The following HS6ST3 variants were observed in gnomAD, a reference collection of about 807,000 sequenced individuals.
The protein encoded by HS6ST3 is heparan-sulfate 6-O-sulfotransferase 3.
HS6ST3 carries 12 observed loss-of-function variants against 36.7 expected under a neutral mutation model. The observed-to-expected ratio is 0.33, with a 90% CI of 0.21 to 0.53. The LOEUF is 0.53. Ranked by LOEUF, HS6ST3 falls within the 20% of genes least tolerant of loss-of-function variation. The pLI is 0.95. For synonymous variants in HS6ST3, 240 were observed against 257.5 expected (o/e 0.93, Z 0.65); for missense variants, 584 against 640.9 (o/e 0.91, Z 0.96).
At position 96,799,069 on chromosome 13, in the gene HS6ST3, T is replaced by C. The variant is rs79841874; in HGVS notation, c.708-33421T>C. ...CGCTTCTTTAAAGGCCCTATCTCCA[T>C]ATCTAAATACAGTCACATTCTGAAT... is the stretch of plus-strand genomic sequence containing the variant. On this transcript the variant is annotated intron_variant, in intron 1 of 1. Coordinates refer to ENST00000376705, the MANE Select transcript of HS6ST3 (RefSeq NM_153456.4). Among the ~76,000 whole-genome samples, 1,071 of 152,214 alleles carry C rather than the reference T, an allele frequency of 7.0e-3. 16 individuals are homozygous for C. Among genetic ancestry groups the C allele is most frequent in the African/African-American group, 0.024 (999 of 41,542 alleles).
In HS6ST3 at chr13:96,157,459, G is replaced by A. The variant is rs529748941; in HGVS notation, c.707+65890G>A. 4.6e-5 allele frequency among the ~76,000 whole-genome samples: 7 copies of A among 152,366 alleles called. 1 individual carries two copies. Among genetic ancestry groups the A allele is most frequent in the African/African-American group, 1.7e-4 (7 of 41,590 alleles). On this transcript the variant is annotated intron_variant, in intron 1 of 1. Transcript: ENST00000376705. ...TTGGTTCAGAGCAAGGCAAATCTGA[G>A]TAGGAATAGACACAGCACTGACATT...
rs2056095701 is a variant in HS6ST3 at position 96,522,066 on chromosome 13, G to A, written c.708-310424G>A. On this transcript the variant is annotated intron_variant, in intron 1 of 1. Transcript: ENST00000376705. ...GTATGTTGTGTCTTTGTTCTCATTG[G>A]TTTCAAAGAACATCTTTATTTCTGC... Among the ~76,000 whole-genome samples, 3 of 152,086 alleles carry A rather than the reference G, an allele frequency of 2.0e-5. No individual in the cohort carries two copies. In the South Asian group the frequency reaches 6.2e-4, roughly 32 times the overall value.
At chr13:96,692,013 C>T (rs1300341685) in intron 1 of HS6ST3, among the ~76,000 whole-genome samples, 2 of 152,068 alleles carry the variant, frequency 1.3e-5, no homozygotes, top group Non-Finnish European at 2.9e-5. Context: ...CTCCAACTGC[C>T]ATAACTAAAT....
Position 96,308,724 on chromosome 13 carries a change from T to C in HS6ST3, c.707+217155T>C, listed in dbSNP as rs1014235232. Reference sequence around the variant, plus strand: ...GCAAGAACCCCTCTGAACAGCCATGTTTGGTTAAGATTAGCTTGTTCTTTT... The same window carrying C: ...GCAAGAACCCCTCTGAACAGCCATGCTTGGTTAAGATTAGCTTGTTCTTTT... On this transcript the variant is annotated intron_variant, in intron 1 of 1. Transcript: ENST00000376705. 1.2e-4 allele frequency among the ~76,000 whole-genome samples: 18 copies of C among 152,116 alleles called. 1 individual carries two copies. The highest frequency in any genetic ancestry group is 2.4e-4 in the Non-Finnish European group (16 of 67,970).
intron 1 of HS6ST3, among the ~76,000 whole-genome samples, chr13:96,371,748 A>G (rs1038413809): frequency 2.6e-5 from 4 of 152,150 alleles, no homozygotes; most frequent in Non-Finnish European, 4.4e-5. Flanking sequence ...TTTTAGCATA[A>G]TATCTGCCAG....
At chr13:96,721,117 C>A (rs529552879) in intron 1 of HS6ST3, among the ~76,000 whole-genome samples, 1 of 152,204 alleles carries the variant, frequency 6.6e-6, no homozygotes, top group South Asian at 2.1e-4. Context: ...TGCTGATTGT[C>A]TCTCTACTGA....
At chr13:96,318,222 T>C (rs767407180) in intron 1 of HS6ST3, among the ~76,000 whole-genome samples, 34 of 152,210 alleles carry the variant, frequency 2.2e-4, no homozygotes, top group Admixed American at 9.2e-4. Flanking sequence ...CAGTTACTTT[T>C]TGTATACGGT....
At chr13:96,804,837 C>A (rs1407657112) in intron 1 of HS6ST3, among the ~76,000 whole-genome samples, 1 of 152,186 alleles carries the variant, frequency 6.6e-6, no homozygotes, top group Non-Finnish European at 1.5e-5. Flanking sequence ...CAATTTAGAA[C>A]ACAGGAATTG....
chr13:96,664,839 T>C (rs2056658239), intron 1 of HS6ST3, among the ~76,000 whole-genome samples: 2 of 152,164 alleles, frequency 1.3e-5, no homozygotes, highest in African/African-American at 4.8e-5. Context: ...CTTAAATTTG[T>C]CTATTTCTTC....
chr13:96,455,018 A>T (rs547782706), intron 1 of HS6ST3, among the ~76,000 whole-genome samples: 2 of 152,134 alleles, frequency 1.3e-5, no homozygotes, highest in Admixed American at 1.3e-4. Context: ...CTGCTTTCTG[A>T]ATCAGGACTC....
intron 1 of HS6ST3, among the ~76,000 whole-genome samples, chr13:96,238,400 C>T (rs557582190): frequency 3.9e-5 from 6 of 152,138 alleles, no homozygotes; most frequent in Non-Finnish European, 8.8e-5. Flanking sequence ...AAGGCAAATC[C>T]AATTTCGCCT....
intron 1 of HS6ST3, among the ~76,000 whole-genome samples, chr13:96,554,979 C>T (rs1299772559): frequency 6.6e-6 from 1 of 151,930 alleles, no homozygotes; most frequent in Non-Finnish European, 1.5e-5. Flanking sequence ...ACTTGGGAGG[C>T]TGAGGTGGGA....
chr13:96,236,964 G>A (rs1307542714), intron 1 of HS6ST3, among the ~76,000 whole-genome samples: 1 of 152,170 alleles, frequency 6.6e-6, no homozygotes, highest in Non-Finnish European at 1.5e-5. Flanking sequence ...GGCTGGGGAG[G>A]CCTCAGGAAA....
chr13:96,531,644 G>A (rs781285026), intron 1 of HS6ST3, among the ~76,000 whole-genome samples: 3 of 152,154 alleles, frequency 2.0e-5, no homozygotes, highest in Non-Finnish European at 4.4e-5. Context: ...CCTGTGAAAC[G>A]GAGGTTTTAT....
chr13:96,632,710 C>T (rs2056536212), intron 1 of HS6ST3, among the ~76,000 whole-genome samples: 1 of 152,168 alleles, frequency 6.6e-6, no homozygotes, highest in Non-Finnish European at 1.5e-5. Flanking sequence ...AACAGGATTC[C>T]AGTCTTTAGT....
At chr13:96,290,863 C>T (rs1409656345) in intron 1 of HS6ST3, among the ~76,000 whole-genome samples, 2 of 152,188 alleles carry the variant, frequency 1.3e-5, no homozygotes, top group Admixed American at 6.5e-5. Flanking sequence ...CCATGTGCCT[C>T]CTACCTCCAG....
At chr13:96,554,727 A>G (rs1307303213) in intron 1 of HS6ST3, among the ~76,000 whole-genome samples, 1 of 152,052 alleles carries the variant, frequency 6.6e-6, no homozygotes, top group Non-Finnish European at 1.5e-5. Flanking sequence ...ATTTCCTCTC[A>G]TGAGCTTGGA....
chr13:96,495,086 C>T (rs1452799379), intron 1 of HS6ST3, among the ~76,000 whole-genome samples: 1 of 152,132 alleles, frequency 6.6e-6, no homozygotes. Context: ...TTTTACTCCT[C>T]CTAACTGATA....
intron 1 of HS6ST3, among the ~76,000 whole-genome samples, chr13:96,699,137 C>A (rs1875213038): frequency 6.6e-6 from 1 of 152,044 alleles, no homozygotes; most frequent in African/African-American, 2.4e-5. Context: ...GACCTAAAAC[C>A]ATAAAAACCC....
Sources: gnomAD v4.1 joint callset for allele counts (sites outside exome capture counted in the v4.1 genomes callset) on GRCh38, gnomAD v4.1.1 for gene constraint, MANE v1.5 for transcripts, NCBI Gene and HGNC (gene_info 2026-07-23, HGNC 2026-07-21) for gene names.